Variants in TP63 observed in about 807,000 individuals in gnomAD.
The protein encoded by TP63 is tumor protein 63.
In TP63, 17 loss-of-function variants were observed where a neutral mutation model predicts 82.8. The observed-to-expected ratio is 0.21, with a 90% CI of 0.14 to 0.31. The LOEUF is 0.31. Ranked by LOEUF, TP63 falls within the 10% of genes least tolerant of loss-of-function variation. The pLI is 1.00. For missense variants in TP63, 648 were observed against 895.3 expected (o/e 0.72, Z 3.52); for synonymous variants, 330 against 321.7 (o/e 1.03, Z -0.28).
At chr3:189,650,178 G>C (rs1351575987) in intron 1 of TP63, among the ~76,000 whole-genome samples, 3 of 145,508 alleles carry the variant, frequency 2.1e-5, no homozygotes, top group Non-Finnish European at 4.5e-5. Context: ...TACCTTACCT[G>C]AGTGAATATA....
chr3:189,721,178 C>T (rs958468726), intron 1 of TP63, among the ~76,000 whole-genome samples: 4 of 152,100 alleles, frequency 2.6e-5, no homozygotes, highest in East Asian at 1.9e-4. Context: ...TACAGTGGAC[C>T]GTCTTTACCA....
chr3:189,760,218 C>T (rs147051050), intron 3 of TP63, among the ~76,000 whole-genome samples: 3,729 of 152,268 alleles, frequency 0.024, 158 homozygotes, highest in African/African-American at 0.085. Context: ...TCCCAACAGT[C>T]CCCCAAAGTC....
Position 189,788,633 on chromosome 3 carries a change from TACTC to T in TP63, c.325-19637_325-19634del, listed in dbSNP as rs1474033266. Among the ~76,000 whole-genome samples, 11 of 152,098 alleles carry T rather than the reference TACTC, an allele frequency of 7.2e-5. No individual in the cohort carries two copies. In the East Asian group the frequency reaches 2.1e-3, roughly 29 times the overall value. On this transcript the variant is annotated intron_variant, in intron 3 of 13. Coordinates refer to ENST00000264731, the MANE Select transcript of TP63 (RefSeq NM_003722.5). ...GAAATAAATCTAACTGAATTACAAA[TACTC>T]AGCAGTAAAGAGAGTATTTTAATGA...
At chr3:189,806,230 A>G (rs560724347) in intron 3 of TP63, among the ~76,000 whole-genome samples, 1 of 151,702 alleles carries the variant, frequency 6.6e-6, no homozygotes, top group Admixed American at 6.6e-5. Context: ...CAAGCCCACA[A>G]TTAGTTAGCT....
At chr3:189,612,919 A>G in the TP63 span, among the ~76,000 whole-genome samples, 2 of 152,218 alleles carry the variant, frequency 1.3e-5, no homozygotes, top group African/African-American at 4.8e-5. Flanking sequence ...TATTTGGCAG[A>G]AGAAATTTCT....
At chr3:189,625,043 A>G in the TP63 span, among the ~76,000 whole-genome samples, 1 of 152,222 alleles carries the variant, frequency 6.6e-6, no homozygotes, top group African/African-American at 2.4e-5. Flanking sequence ...TCTTGAGGTA[A>G]AAGGTGATGA....
chr3:189,860,715 C>G (rs1309954253), intron 4 of TP63, among the ~76,000 whole-genome samples: 1 of 152,146 alleles, frequency 6.6e-6, no homozygotes, highest in Non-Finnish European at 1.5e-5. Flanking sequence ...GTTTGCAGTA[C>G]AGATACAGTA....
chr3:189,879,033 A>G (rs1719605810), intron 10 of TP63, among the ~76,000 whole-genome samples: 1 of 152,214 alleles, frequency 6.6e-6, no homozygotes, highest in Non-Finnish European at 1.5e-5. Flanking sequence ...AAACTCAGAT[A>G]GATTAAATTA....
At chr3:189,845,779 A>AT (rs372288228) in intron 4 of TP63, among the ~76,000 whole-genome samples, 31 of 148,366 alleles carry the variant, frequency 2.1e-4, no homozygotes, top group South Asian at 4.4e-4. Flanking sequence ...AGAATTAATG[A>AT]TTTTTTTTTG....
intron 3 of TP63, among the ~76,000 whole-genome samples, chr3:189,783,919 C>G (rs1014760567): frequency 6.6e-6 from 1 of 151,596 alleles, no homozygotes; most frequent in Non-Finnish European, 1.5e-5. Flanking sequence ...ACATTTGACC[C>G]AGTACTTTTA....
chr3:189,660,669 CAAT>C (rs1033866407), intron 1 of TP63, among the ~76,000 whole-genome samples: 1 of 151,946 alleles, frequency 6.6e-6, no homozygotes, highest in African/African-American at 2.4e-5. Context: ...GCTATTACAA[CAAT>C]ATTGATTCTT....
intron 4 of TP63, among the ~76,000 whole-genome samples, chr3:189,810,089 C>G (rs186129967): frequency 6.6e-6 from 1 of 152,300 alleles, no homozygotes; most frequent in East Asian, 1.9e-4. Flanking sequence ...AACTGTAGAG[C>G]ATGAACATCA....
chr3:189,848,842 A>T (rs972247193), intron 4 of TP63, among the ~76,000 whole-genome samples: 13 of 152,190 alleles, frequency 8.5e-5, no homozygotes, highest in African/African-American at 3.1e-4. Flanking sequence ...CTTGGCATAT[A>T]ACTCCTAAAA....
intron 1 of TP63, among the ~76,000 whole-genome samples, chr3:189,680,490 C>G (rs1438114264): frequency 1.3e-5 from 2 of 152,094 alleles, no homozygotes; most frequent in African/African-American, 4.8e-5. Flanking sequence ...AAACAAATAA[C>G]AGATCATCAA....
At chr3:189,752,811 C>G (rs76186802) in intron 3 of TP63, among the ~76,000 whole-genome samples, 2,479 of 152,164 alleles carry the variant, frequency 0.016, 67 homozygotes, top group African/African-American at 0.056. Context: ...CTATTAGACA[C>G]TGCTTTAGCT....
chr3:189,841,864 C>T (rs1714167839), intron 4 of TP63, among the ~76,000 whole-genome samples: 2 of 152,174 alleles, frequency 1.3e-5, no homozygotes, highest in African/African-American at 4.8e-5. Context: ...AGGACTCCTA[C>T]GACTTTGGGT....
At chr3:189,782,769 A>C (rs1008832469) in intron 3 of TP63, among the ~76,000 whole-genome samples, 1 of 152,122 alleles carries the variant, frequency 6.6e-6, no homozygotes, top group Non-Finnish European at 1.5e-5. Context: ...AGTCAATGGG[A>C]GTACAGATGA....
chr3:189,710,307 A>G (rs527959845), intron 1 of TP63, among the ~76,000 whole-genome samples: 1 of 152,304 alleles, frequency 6.6e-6, no homozygotes, highest in South Asian at 2.1e-4. Flanking sequence ...ACTTGCCTGA[A>G]CTTATAATCA....
rs112794331 is a variant in TP63, at chr3:189,763,810, C to T, written c.324+25036C>T. On this transcript the variant is annotated intron_variant, in intron 3 of 13. Coordinates refer to ENST00000264731, the MANE Select transcript of TP63 (RefSeq NM_003722.5). ...AATTAATTTTTAAAAGTGTACTAGA[C>T]GTGCAGAACATATATATGGCCATCA... 2.9e-3 allele frequency among the ~76,000 whole-genome samples: 441 copies of T among 152,306 alleles called. 1 individual carries two copies. Among genetic ancestry groups the T allele is most frequent in the African/African-American group, 9.3e-3 (385 of 41,566 alleles).
Sources: gnomAD v4.1 joint callset for allele counts (sites outside exome capture counted in the v4.1 genomes callset) on GRCh38, gnomAD v4.1.1 for gene constraint, MANE v1.5 for transcripts, NCBI Gene and HGNC (gene_info 2026-07-23, HGNC 2026-07-21) for gene names.